ITPR2: variants seen among roughly 807,000 people sequenced by gnomAD.
The protein encoded by ITPR2 is inositol 1,4,5-trisphosphate-gated calcium channel ITPR2.
ITPR2 carries 207 observed loss-of-function variants against 317.1 expected under a neutral mutation model. That is an observed-to-expected ratio of 0.65 (90% CI 0.58 to 0.73). The LOEUF is 0.73. Ranked by LOEUF, ITPR2 falls within the 30% of genes least tolerant of loss-of-function variation. The probability of loss-of-function intolerance (pLI) is 0.00; values close to 1 mark genes in which losing one functional copy is unlikely to be tolerated. For synonymous variants in ITPR2, 1,156 were observed against 1,149.1 expected, an observed-to-expected ratio of 1.01 and a Z score of -0.12; for missense variants, 2,613 against 3,284.0, an observed-to-expected ratio of 0.80 and a Z score of 4.99.
At chr12:26,624,077 C>A (rs1209320741) in intron 24 of ITPR2, among the ~76,000 whole-genome samples, 2 of 152,172 alleles carry the variant, frequency 1.3e-5, no homozygotes, top group Non-Finnish European at 2.9e-5. Flanking sequence ...GTTCAATACA[C>A]TGATCTCATC....
At chr12:26,620,953 A>G (rs572765810) in intron 26 of ITPR2, among the ~76,000 whole-genome samples, 170 bp downstream of exon 26, 45 of 152,378 alleles carry the variant, frequency 3.0e-4, no homozygotes, top group Admixed American at 8.5e-4. Context: ...AGAGCTAAAC[A>G]AAGTGCCAGT....
chr12:26,711,743 A>G (rs1167071165), intron 8 of ITPR2, among the ~76,000 whole-genome samples: 1 of 152,186 alleles, frequency 6.6e-6, no homozygotes, highest in Non-Finnish European at 1.5e-5. Flanking sequence ...AACACAGGGG[A>G]AGTACATGAT....
At chr12:26,380,686 T>C (rs369632393) in intron 55 of ITPR2, among the ~76,000 whole-genome samples, 1 of 152,168 alleles carries the variant, frequency 6.6e-6, no homozygotes, top group East Asian at 1.9e-4. Flanking sequence ...TTATGACACA[T>C]AACAATAATG....
intron 45 of ITPR2, among the ~76,000 whole-genome samples, chr12:26,474,955 A>G (rs1942384025): frequency 6.6e-6 from 1 of 151,834 alleles, no homozygotes; most frequent in African/African-American, 2.4e-5. Flanking sequence ...GCACCCCCTC[A>G]CTTCACACTC....
intron 18 of ITPR2, among the ~76,000 whole-genome samples, chr12:26,656,785 G>T (rs1193589909): frequency 6.6e-6 from 1 of 152,148 alleles, no homozygotes; most frequent in Non-Finnish European, 1.5e-5. Flanking sequence ...AAATGTGTCT[G>T]CTGGAGAGTG....
intron 9 of ITPR2, among the ~76,000 whole-genome samples, chr12:26,707,255 A>G (rs1292481737): frequency 1.3e-5 from 2 of 152,222 alleles, no homozygotes; most frequent in African/African-American, 4.8e-5. Context: ...AATCTTAAAG[A>G]CTATGTTTGC....
chr12:26,690,758 CACTGCAACAATTAG>C (rs1407125866), intron 10 of ITPR2, among the ~76,000 whole-genome samples: 3 of 152,180 alleles, frequency 2.0e-5, no homozygotes, highest in Non-Finnish European at 4.4e-5. Flanking sequence ...GACATTCTCA[CACTGCAACAATTAG>C]ACTGTCTTCC....
chr12:26,448,032 GC>G (rs1833330266), intron 45 of ITPR2, among the ~76,000 whole-genome samples: 1 of 147,934 alleles, frequency 6.8e-6, no homozygotes, highest in Admixed American at 6.7e-5. Flanking sequence ...ATCCAAAGCA[GC>G]AATCACACCA....
At chr12:26,519,267 C>T (rs1429663778) in intron 37 of ITPR2, among the ~76,000 whole-genome samples, 2 of 152,090 alleles carry the variant, frequency 1.3e-5, no homozygotes, top group African/African-American at 2.4e-5. Context: ...CAAACACACA[C>T]GTGTGTGGGT....
chr12:26,732,397 TGAA>T (rs1949042116), intron 2 of ITPR2, among the ~76,000 whole-genome samples: 1 of 152,178 alleles, frequency 6.6e-6, no homozygotes, highest in Non-Finnish European at 1.5e-5. Context: ...ATTATAAATA[TGAA>T]GAAGTTCAAC....
chr12:26,638,188 T>A (rs1946905569), intron 21 of ITPR2, among the ~76,000 whole-genome samples: 1 of 152,222 alleles, frequency 6.6e-6, no homozygotes, highest in African/African-American at 2.4e-5. Context: ...TTCATCACTG[T>A]CAAATATTGA....
chr12:26,620,571 A>C (rs1188377895), intron 26 of ITPR2, among the ~76,000 whole-genome samples: 1 of 152,220 alleles, frequency 6.6e-6, no homozygotes, highest in Non-Finnish European at 1.5e-5. Context: ...ATAGGTACTT[A>C]GTGAAATGTG....
At chr12:26,346,232 A>T (rs1286957023) in intron 55 of ITPR2, among the ~76,000 whole-genome samples, 1 of 152,222 alleles carries the variant, frequency 6.6e-6, no homozygotes, top group African/African-American at 2.4e-5. Flanking sequence ...AAATTCTAAC[A>T]GTTATCTATT....
intron 1 of ITPR2, among the ~76,000 whole-genome samples, chr12:26,797,087 A>C (rs1390965429): frequency 2.0e-5 from 3 of 152,146 alleles, no homozygotes; most frequent in Non-Finnish European, 4.4e-5. Context: ...ACAGTAGAAA[A>C]CTACCAAAAA....
intron 46 of ITPR2, among the ~76,000 whole-genome samples, chr12:26,442,761 G>A (rs2136737171): frequency 6.6e-6 from 1 of 152,242 alleles, no homozygotes; most frequent in Middle Eastern, 3.4e-3. Flanking sequence ...ATACAGTGTA[G>A]GGGTTATATA....
Position 26,340,221 on chromosome 12 carries a change from C to T in ITPR2, c.7965G>A (p.Ser2655=), listed in dbSNP as rs760358006. The T allele has an allele frequency of 6.2e-6, 10 of 1,610,064 alleles. No homozygotes were observed. The highest frequency in any genetic ancestry group is 2.2e-5 in the East Asian group (1 of 44,680). The change falls in exon 56 of 57, where the codon TCG becomes TCA. Residue 2655 remains serine, a synonymous_variant. Transcript: ENST00000381340. ...ACAGCTGTTTGACCAGACTCATGGT[C>T]GATTCCAACTTCTCCTGAAGGCTCC... The part of the protein sequence containing the change: ...EIRSLQEKLE[S]TMSLVKQLSG...
At chr12:26,737,622 A>C (rs1287085607) in intron 2 of ITPR2, among the ~76,000 whole-genome samples, 2 of 152,132 alleles carry the variant, frequency 1.3e-5, no homozygotes, top group Admixed American at 1.3e-4. Flanking sequence ...CATGTTGTGC[A>C]TTTACATAAA....
chr12:26,643,387 G>A (rs150002770), intron 21 of ITPR2, among the ~76,000 whole-genome samples: 40 of 152,338 alleles, frequency 2.6e-4, no homozygotes, highest in African/African-American at 9.6e-4. Context: ...AGTGGGTAGA[G>A]GCTGGAAGAG....
chr12:26,425,518 A>C (rs934618831), intron 49 of ITPR2, among the ~76,000 whole-genome samples: 12 of 152,080 alleles, frequency 7.9e-5, no homozygotes, highest in African/African-American at 2.9e-4. Context: ...AATACAAAAA[A>C]TTAGCCAGGC....
Sources: allele counts gnomAD v4.1 joint callset (sites outside exome capture counted in the v4.1 genomes callset), GRCh38; gene constraint gnomAD v4.1.1; transcripts MANE v1.5; gene names NCBI Gene and HGNC (gene_info 2026-07-23, HGNC 2026-07-21).